Variants in MBD2 observed in about 807,000 individuals in gnomAD.
The protein encoded by MBD2 is methyl-CpG binding domain protein 2.
MBD2 carries 9 observed loss-of-function variants against 39.3 expected under a neutral mutation model. The observed-to-expected ratio is 0.23, with a 90% CI of 0.14 to 0.40. The LOEUF is 0.40. MBD2 is among the 10% of genes least tolerant of loss of function. The probability of loss-of-function intolerance (pLI) is 1.00; values close to 1 mark genes in which losing one functional copy is unlikely to be tolerated. For synonymous variants in MBD2, 233 were observed against 211.1 expected (o/e 1.10, Z -0.90); for missense variants, 458 against 532.6 (o/e 0.86, Z 1.38).
chr18:54,166,415 T>C (rs984071494), intron 3 of MBD2, among the ~76,000 whole-genome samples: 1 of 152,210 alleles, frequency 6.6e-6, no homozygotes, highest in African/African-American at 2.4e-5. Flanking sequence ...TATAGATGGT[T>C]ATATGCTGTA....
At chr18:54,215,746 G>A (rs36037876) in intron 1 of MBD2, among the ~76,000 whole-genome samples, 5,744 of 150,778 alleles carry the variant, frequency 0.038, 344 homozygotes, top group African/African-American at 0.13. Flanking sequence ...CGCCTGCCTC[G>A]GCCTCCCAAA....
At chr18:54,205,662 G>A (rs1183105029) in intron 1 of MBD2, among the ~76,000 whole-genome samples, 39 of 150,050 alleles carry the variant, frequency 2.6e-4, no homozygotes, top group Admixed American at 2.5e-3. Flanking sequence ...AAAAAATCAA[G>A]TGTCACCTAA....
intron 1 of MBD2, 146 bp from the exon 2 acceptor site, chr18:54,205,303 G>A (rs1291902216): frequency 2.7e-6 from 2 of 739,852 alleles, no homozygotes; most frequent in Admixed American, 3.0e-5. Context: ...TAGGCGCGAT[G>A]GCTCACGCCT....
chr18:54,164,460 A>G, intron 5 of MBD2, 63 bp downstream of exon 5: 1 of 1,458,916 alleles, frequency 6.9e-7, no homozygotes, highest in Admixed American at 1.7e-5. Context: ...AACCTAATGA[A>G]CAGTAAAAAA....
intron 6 of MBD2, among the ~76,000 whole-genome samples, chr18:54,158,155 C>T (rs772504608): frequency 2.0e-5 from 3 of 152,184 alleles, no homozygotes; most frequent in Non-Finnish European, 4.4e-5. Flanking sequence ...TAACAACCCA[C>T]AGGTCCTACG....
intron 1 of MBD2, among the ~76,000 whole-genome samples, chr18:54,205,591 C>CAAAA (rs10719481): frequency 1.1e-5 from 1 of 90,090 alleles, no homozygotes; most frequent in Admixed American, 1.2e-4. Flanking sequence ...AACTCTATCT[C>CAAAA]AAAAAAAAAA....
rs1400586991 is a variant in MBD2, at chr18:54,210,911, G to A, written c.543-5754C>T. ...TTTTGAGACAGAGTCTCGCTCTGTC[G>A]CCCAGGCTGGAGTGCAGTGGCGGGA... On this transcript the variant is annotated intron_variant, in intron 1 of 6. Coordinates refer to ENST00000256429, the MANE Select transcript of MBD2 (RefSeq NM_003927.5). Among the ~76,000 whole-genome samples the A allele has an allele frequency of 3.1e-4, 37 of 119,708 alleles. 1 individual carries two copies. The highest frequency in any genetic ancestry group is 1.2e-3 in the African/African-American group (36 of 30,066). The allele number at this position is 119,708 out of a possible 152,430, so 78.5% of individuals were successfully genotyped here.
chr18:54,213,612 T>C (rs2086529586), intron 1 of MBD2, among the ~76,000 whole-genome samples: 1 of 152,170 alleles, frequency 6.6e-6, no homozygotes, highest in African/African-American at 2.4e-5. Context: ...AGAAAAATAC[T>C]GGTTATTTTG....
chr18:54,216,059 G>A (rs991123439), intron 1 of MBD2, among the ~76,000 whole-genome samples: 3 of 151,776 alleles, frequency 2.0e-5, no homozygotes, highest in African/African-American at 7.3e-5. Context: ...CACCCACCTC[G>A]GCCTCCCAAA....
intron 2 of MBD2, among the ~76,000 whole-genome samples, chr18:54,192,922 A>ATCT (rs2086332631): frequency 1.3e-5 from 2 of 152,236 alleles, no homozygotes; most frequent in Non-Finnish European, 2.9e-5. Context: ...ACAGAATGAG[A>ATCT]CATTATTCAA....
chr18:54,207,654 G>T (rs561540537), intron 1 of MBD2, among the ~76,000 whole-genome samples: 1 of 152,178 alleles, frequency 6.6e-6, no homozygotes, highest in African/African-American at 2.4e-5. Context: ...CATGATTAAT[G>T]TGTTTTACCA....
intron 2 of MBD2, among the ~76,000 whole-genome samples, chr18:54,204,146 C>A (rs1236016899): frequency 6.6e-6 from 1 of 152,180 alleles, no homozygotes; most frequent in African/African-American, 2.4e-5. Context: ...TCAGTCACAT[C>A]TTAAGAAAGA....
At chr18:54,183,187 T>A (rs781306535) in intron 3 of MBD2, among the ~76,000 whole-genome samples, 5 of 152,058 alleles carry the variant, frequency 3.3e-5, no homozygotes, top group East Asian at 3.9e-4. Context: ...GACAAAGGAG[T>A]TCATAGAGAT....
At chr18:54,204,881 TG>T (rs1421063510) in intron 2 of MBD2, 116 bp downstream of exon 2, 12 of 902,030 alleles carry the variant, frequency 1.3e-5, no homozygotes, top group Non-Finnish European at 2.1e-5. Context: ...GGGCAGGGTA[TG>T]GGGACATGCA....
intron 3 of MBD2, among the ~76,000 whole-genome samples, chr18:54,171,053 A>G (rs1050104665): frequency 4.6e-5 from 7 of 152,016 alleles, no homozygotes; most frequent in African/African-American, 1.4e-4. Flanking sequence ...CAAATACTTA[A>G]GGTGATTCTG....
At chr18:54,188,813 T>C in intron 3 of MBD2, 61 bp downstream of exon 3, 1 of 1,501,630 alleles carries the variant, frequency 6.7e-7, no homozygotes, top group Non-Finnish European at 9.1e-7. Context: ...TTGAATTATT[T>C]CTGGTAAAAA....
intron 3 of MBD2, among the ~76,000 whole-genome samples, chr18:54,179,168 C>T (rs1174054235): frequency 2.0e-5 from 3 of 151,918 alleles, no homozygotes; most frequent in Admixed American, 6.6e-5. Context: ...CCAGCCTGAG[C>T]GATACAGCGA....
intron 1 of MBD2, among the ~76,000 whole-genome samples, chr18:54,205,711 A>C (rs1166196237): frequency 2.0e-5 from 3 of 152,106 alleles, no homozygotes; most frequent in African/African-American, 7.2e-5. Flanking sequence ...AATACATAAC[A>C]TGTTGCCACA....
chr18:54,203,083 C>T (rs1029793587), intron 2 of MBD2: 6 of 1,576,460 alleles, frequency 3.8e-6, no homozygotes, highest in East Asian at 2.2e-5. Context: ...TGGTGCAGGA[C>T]GATGAGTGTT....
Sources: gnomAD v4.1 joint callset for allele counts (sites outside exome capture counted in the v4.1 genomes callset) on GRCh38, gnomAD v4.1.1 for gene constraint, MANE v1.5 for transcripts, NCBI Gene and HGNC (gene_info 2026-07-23, HGNC 2026-07-21) for gene names.